Variants in ALOX5AP observed in about 807,000 individuals in gnomAD.
ALOX5AP encodes arachidonate 5-lipoxygenase-activating protein.
In ALOX5AP, 9 loss-of-function variants were observed where a neutral mutation model predicts 18.5. That is an observed-to-expected ratio of 0.49 (90% CI 0.29 to 0.85). The LOEUF is 0.85. Ranked by LOEUF, ALOX5AP falls within the 40% of genes least tolerant of loss-of-function variation. The pLI is 0.08. For missense variants in ALOX5AP, 172 were observed against 202.5 expected (o/e 0.85, Z 0.91); for synonymous variants, 81 against 78.6 (o/e 1.03, Z -0.16).
At chr13:30,753,806 C>T (rs1951870974) in intron 3 of ALOX5AP, among the ~76,000 whole-genome samples, 1 of 152,204 alleles carries the variant, frequency 6.6e-6, no homozygotes, top group South Asian at 2.1e-4. Flanking sequence ...CACCCATAAT[C>T]TCTGTTAGCT....
chr13:30,751,651 A>C (rs1951852587), intron 2 of ALOX5AP, among the ~76,000 whole-genome samples: 4 of 152,200 alleles, frequency 2.6e-5, no homozygotes, highest in Admixed American at 2.6e-4. Context: ...GATCTGATAG[A>C]AAAGTTTCCT....
intron 1 of ALOX5AP, among the ~76,000 whole-genome samples, chr13:30,730,039 G>C (rs542099295): frequency 1.7e-4 from 26 of 152,350 alleles, no homozygotes; most frequent in Admixed American, 1.6e-3. Context: ...CCTGCTATCT[G>C]TCTGTGTGAA....
chr13:30,744,252 G>A, intron 2 of ALOX5AP, 93 bp downstream of exon 2: 2 of 1,160,254 alleles, frequency 1.7e-6, no homozygotes, highest in Non-Finnish European at 2.5e-6. Context: ...CCACATGTCT[G>A]TCTGAGCCAA....
chr13:30,715,187 A>G (rs952675856), intron 1 of ALOX5AP, among the ~76,000 whole-genome samples: 1 of 152,160 alleles, frequency 6.6e-6, no homozygotes, highest in Non-Finnish European at 1.5e-5. Context: ...AACTTGTCAC[A>G]TGACTATGGC....
chr13:30,733,346 T>C (rs1033819993), upstream of ALOX5AP, among the ~76,000 whole-genome samples: 1 of 152,238 alleles, frequency 6.6e-6, no homozygotes, highest in Non-Finnish European at 1.5e-5. Flanking sequence ...GCAACTGGAA[T>C]ACTTTGTAAG....
intron 3 of ALOX5AP, among the ~76,000 whole-genome samples, chr13:30,755,003 A>T (rs1364177147): frequency 6.6e-6 from 1 of 152,208 alleles, no homozygotes; most frequent in Non-Finnish European, 1.5e-5. Flanking sequence ...TCTAGATAAC[A>T]CTAGTTCCAG....
chr13:30,752,557 T>A (rs1210292419), intron 3 of ALOX5AP, among the ~76,000 whole-genome samples: 2 of 152,150 alleles, frequency 1.3e-5, no homozygotes, highest in Admixed American at 1.3e-4. Context: ...GGATGCCACA[T>A]CCCCGGCCTT....
intron 1 of ALOX5AP, among the ~76,000 whole-genome samples, chr13:30,714,301 T>C (rs1233931844): frequency 2.0e-5 from 3 of 151,778 alleles, no homozygotes; most frequent in African/African-American, 7.3e-5. Flanking sequence ...GGGTGATCCT[T>C]TCTACTCTTT....
intron 1 of ALOX5AP, among the ~76,000 whole-genome samples, chr13:30,743,087 A>G (rs543705113): frequency 1.3e-5 from 2 of 152,136 alleles, no homozygotes; most frequent in East Asian, 1.9e-4. Context: ...CTCAGACGGA[A>G]CTAAGTTCTG....
At chr13:30,724,659 A>G (rs1182972055) in intron 1 of ALOX5AP, among the ~76,000 whole-genome samples, 2 of 152,222 alleles carry the variant, frequency 1.3e-5, no homozygotes, top group Non-Finnish European at 2.9e-5. Context: ...TTTGAGAAAC[A>G]TCTTCTAGCT....
At chr13:30,751,729 T>C (rs1037524413) in intron 2 of ALOX5AP, among the ~76,000 whole-genome samples, 43 of 152,326 alleles carry the variant, frequency 2.8e-4, no homozygotes, top group African/African-American at 1.0e-3. Context: ...CATTGCTCAC[T>C]CTTCAATTCC....
upstream of ALOX5AP, among the ~76,000 whole-genome samples, chr13:30,732,222 T>A (rs1951687364): frequency 6.6e-6 from 1 of 152,194 alleles, no homozygotes; most frequent in African/African-American, 2.4e-5. Context: ...CGCGAATGGC[T>A]GGACTTTTCT....
At chr13:30,751,446 G>A (rs184610563) in intron 2 of ALOX5AP, among the ~76,000 whole-genome samples, 2 of 152,354 alleles carry the variant, frequency 1.3e-5, no homozygotes, top group East Asian at 1.9e-4. Context: ...GTTAAAAAGA[G>A]AGGAAGGGTG....
At chr13:30,729,907 G>A (rs144863158) in intron 1 of ALOX5AP, among the ~76,000 whole-genome samples, 4 of 151,628 alleles carry the variant, frequency 2.6e-5, no homozygotes, top group Admixed American at 6.5e-5. Flanking sequence ...AACACACTAC[G>A]TGATGTTTTC....
At chr13:30,725,792 C>T (rs1951635108) in intron 1 of ALOX5AP, among the ~76,000 whole-genome samples, 1 of 152,160 alleles carries the variant, frequency 6.6e-6, no homozygotes, top group Non-Finnish European at 1.5e-5. Context: ...AATCTTACAG[C>T]AAAGGAAGTA....
chr13:30,759,793 G>A (rs550750350), intron 4 of ALOX5AP, among the ~76,000 whole-genome samples: 46 of 152,214 alleles, frequency 3.0e-4, no homozygotes, highest in African/African-American at 1.0e-3. Context: ...TTCTAAAAGC[G>A]AAACCCACCA....
intron 1 of ALOX5AP, among the ~76,000 whole-genome samples, chr13:30,715,997 A>G (rs1951547601): frequency 6.6e-6 from 1 of 152,190 alleles, no homozygotes; most frequent in Non-Finnish European, 1.5e-5. Context: ...GCTCCCCTCC[A>G]GAGCTGAGCT....
chr13:30,735,120 C>T (rs943773572), upstream of ALOX5AP, among the ~76,000 whole-genome samples: 1 of 152,126 alleles, frequency 6.6e-6, no homozygotes, highest in East Asian at 1.9e-4. Flanking sequence ...AAGCAATCTT[C>T]CCACCTCAGC....
chr13:30,742,327 A>AC (rs1028112944), intron 1 of ALOX5AP: 1 of 152,198 alleles, frequency 6.6e-6, no homozygotes, highest in African/African-American at 2.4e-5. Flanking sequence ...AAAAAAAAAA[A>AC]ACAAAAACCT....
Sources: gnomAD v4.1 joint callset for allele counts (sites outside exome capture counted in the v4.1 genomes callset) on GRCh38, gnomAD v4.1.1 for gene constraint, MANE v1.5 for transcripts, NCBI Gene and HGNC (gene_info 2026-07-23, HGNC 2026-07-21) for gene names.